Variants in CYP39A1 observed in about 807,000 individuals in gnomAD.
CYP39A1 encodes the protein 24-hydroxycholesterol 7-alpha-hydroxylase.
CYP39A1 carries 49 observed loss-of-function variants against 58.1 expected under a neutral mutation model. That is an observed-to-expected ratio of 0.84 (90% CI 0.67 to 1.07). The LOEUF (loss-of-function observed/expected upper bound fraction) is 1.07. CYP39A1 is among the 50% of genes least tolerant of loss of function. The probability of loss-of-function intolerance (pLI) is 0.00; values close to 1 mark genes in which losing one functional copy is unlikely to be tolerated. For missense variants in CYP39A1, 531 were observed against 539.4 expected (o/e 0.98, Z 0.16); for synonymous variants, 209 against 187.6 (o/e 1.11, Z -0.93).
chr6:46,590,283 C>T (rs955545001), intron 8 of CYP39A1, among the ~76,000 whole-genome samples: 3 of 152,128 alleles, frequency 2.0e-5, no homozygotes, highest in East Asian at 1.9e-4. Context: ...GCCTGGCCAG[C>T]CCACCTCACC....
chr6:46,627,504 C>T (rs6936957), intron 6 of CYP39A1, among the ~76,000 whole-genome samples: 10,859 of 151,818 alleles, frequency 0.072, 1,256 homozygotes, highest in African/African-American at 0.24. Context: ...CTGCAAGCTC[C>T]GCCTCCTGGG....
chr6:46,609,694 AG>A (rs1178469567), intron 7 of CYP39A1, among the ~76,000 whole-genome samples: 1 of 152,168 alleles, frequency 6.6e-6, no homozygotes, highest in Non-Finnish European at 1.5e-5. Flanking sequence ...TTAACACACA[AG>A]GCTTGTGCTA....
chr6:46,549,849 T>C lies in CYP39A1; in HGVS notation c.*517A>G, dbSNP rs1770298610. On this transcript the variant is annotated 3_prime_UTR_variant, in exon 12 of 12. Transcript: ENST00000275016. ...CCATTTTATTACTTTTAGCATTAGATACGTTTACAATAAAGAATTATGTTA... is the reference window on the plus strand; with the variant it reads ...CCATTTTATTACTTTTAGCATTAGACACGTTTACAATAAAGAATTATGTTA... 2 of 152,476 alleles carry C rather than the reference T, an allele frequency of 1.3e-5. No homozygotes were observed. Among genetic ancestry groups the C allele is most frequent in the South Asian group, 2.1e-4 (1 of 4,830 alleles). 9.4% of individuals were successfully genotyped at this position (152,476 alleles called of 1,614,324 possible).
intron 3 of CYP39A1, among the ~76,000 whole-genome samples, chr6:46,638,997 G>A (rs1776164059): frequency 6.6e-6 from 1 of 152,172 alleles, no homozygotes; most frequent in South Asian, 2.1e-4. Context: ...TCAGTCCTGA[G>A]GCCCACACTG....
chr6:46,601,253 C>G lies in CYP39A1; in HGVS notation c.932-5133G>C, dbSNP rs989056792. 2.6e-4 allele frequency among the ~76,000 whole-genome samples: 40 copies of G among 152,138 alleles called. 1 individual carries two copies. The highest frequency in any genetic ancestry group is 5.9e-5 in the Non-Finnish European group (4 of 68,022). ...CCTACTTCCATCCACATCATTCCAT[C>G]TCCATTGCTACCACTCTTGTCCAAG... On this transcript the variant is annotated intron_variant, in intron 7 of 11. Transcript: ENST00000275016.
chr6:46,612,862 G>T (rs1396289182), intron 7 of CYP39A1, among the ~76,000 whole-genome samples: 1 of 152,210 alleles, frequency 6.6e-6, no homozygotes, highest in African/African-American at 2.4e-5. Context: ...CTGGCAGGCT[G>T]CAGTTGGGTA....
chr6:46,580,337 T>C (rs1090731), intron 10 of CYP39A1, among the ~76,000 whole-genome samples: 59,289 of 151,934 alleles, frequency 0.39, 14,456 homozygotes, highest in African/African-American at 0.69. Context: ...TTCCTTTCAC[T>C]GTATACAAAA....
chr6:46,552,585 G>A (rs1449370107), intron 11 of CYP39A1, among the ~76,000 whole-genome samples: 1 of 152,070 alleles, frequency 6.6e-6, no homozygotes, highest in Non-Finnish European at 1.5e-5. Context: ...AGCACAAAAC[G>A]CTATGTGAAT....
intron 7 of CYP39A1, among the ~76,000 whole-genome samples, chr6:46,613,916 GA>G (rs926049623): frequency 1.7e-5 from 2 of 119,340 alleles, no homozygotes; most frequent in Non-Finnish European, 3.5e-5. Context: ...TAGTTATTTT[GA>G]AAAAAACAAA....
intron 7 of CYP39A1, among the ~76,000 whole-genome samples, chr6:46,605,432 A>G (rs1211795049): frequency 6.6e-6 from 1 of 152,224 alleles, no homozygotes; most frequent in Non-Finnish European, 1.5e-5. Context: ...TCTGACTGCA[A>G]TGTAATTTTT....
intron 1 of CYP39A1, among the ~76,000 whole-genome samples, chr6:46,649,419 G>A (rs1762534072): frequency 6.6e-6 from 1 of 152,214 alleles, no homozygotes; most frequent in Admixed American, 6.5e-5. Context: ...AAAAGGAAGT[G>A]ATTACACAAG....
Position 46,615,576 on chromosome 6 carries a change from C to T in CYP39A1, c.931+9842G>A, listed in dbSNP as rs73469159. Among the ~76,000 whole-genome samples the T allele has an allele frequency of 6.3e-3, 964 of 152,212 alleles. 12 individuals carry two copies. Among genetic ancestry groups the T allele is most frequent in the African/African-American group, 0.022 (897 of 41,516 alleles). On this transcript the variant is annotated intron_variant, in intron 7 of 11. Coordinates refer to ENST00000275016, the MANE Select transcript of CYP39A1 (RefSeq NM_016593.5). ...ATATTTTCTGAATCAAAACCAAATG[C>T]TCATCCTCTTTTTTTTATTTAAAAA...
chr6:46,589,269 A>G (rs1772667322), intron 8 of CYP39A1, among the ~76,000 whole-genome samples: 1 of 152,026 alleles, frequency 6.6e-6, no homozygotes, highest in South Asian at 2.1e-4. Flanking sequence ...CCTAGGCAAC[A>G]TAGGAAGACC....
At chr6:46,562,863 T>G (rs1488258693) in intron 10 of CYP39A1, among the ~76,000 whole-genome samples, 1 of 152,112 alleles carries the variant, frequency 6.6e-6, no homozygotes, top group Non-Finnish European at 1.5e-5. Flanking sequence ...CCCTTAAAGA[T>G]AAATACTCAG....
intron 7 of CYP39A1, among the ~76,000 whole-genome samples, chr6:46,600,194 T>C (rs939061838): frequency 1.3e-5 from 2 of 152,016 alleles, no homozygotes; most frequent in African/African-American, 4.8e-5. Context: ...AGTGGAGCGA[T>C]CTTGGCTCAC....
At chr6:46,564,116 TTC>T (rs773520222) in intron 10 of CYP39A1, among the ~76,000 whole-genome samples, 21,326 of 146,938 alleles carry the variant, frequency 0.15, 4,579 homozygotes, top group African/African-American at 0.42. Flanking sequence ...TTTTATTTTA[TTC>T]TATTTTATTC....
intron 1 of CYP39A1, among the ~76,000 whole-genome samples, chr6:46,645,551 G>T (rs1762270987): frequency 6.6e-6 from 1 of 152,068 alleles, no homozygotes; most frequent in Admixed American, 6.6e-5. Flanking sequence ...CTATCCTTCT[G>T]CCAGTACTAA....
intron 7 of CYP39A1, among the ~76,000 whole-genome samples, chr6:46,599,270 G>C (rs9472788): frequency 0.053 from 8,136 of 152,214 alleles, 461 homozygotes; most frequent in African/African-American, 0.14. Flanking sequence ...TCACATTAAA[G>C]TGTGCAACTC....
At chr6:46,556,511 C>A (rs1770672191) in intron 10 of CYP39A1, among the ~76,000 whole-genome samples, 1 of 152,048 alleles carries the variant, frequency 6.6e-6, no homozygotes, top group South Asian at 2.1e-4. Flanking sequence ...AAAAGAACCA[C>A]AAAAGGGAAA....
Sources: allele counts gnomAD v4.1 joint callset (sites outside exome capture counted in the v4.1 genomes callset), GRCh38; gene constraint gnomAD v4.1.1; transcripts MANE v1.5; gene names NCBI Gene and HGNC (gene_info 2026-07-23, HGNC 2026-07-21).